The following NAA35 variants were observed in gnomAD, a reference collection of about 807,000 sequenced individuals.
NAA35 encodes the protein N-alpha-acetyltransferase 35, NatC auxiliary subunit, also known as MAK10 homolog, amino-acid N-acetyltransferase subunit.
In NAA35, 18 loss-of-function variants were observed where a neutral mutation model predicts 101.7. The ratio of observed to expected loss-of-function variants is 0.18; its 90% CI spans 0.12 to 0.26. The LOEUF (loss-of-function observed/expected upper bound fraction) is 0.26, where lower values mean the gene tolerates loss of function less well. Among genes scored for constraint, NAA35 ranks in the 10% least tolerant of loss-of-function variants. The pLI is 1.00. For missense variants in NAA35, 601 were observed against 886.8 expected, an observed-to-expected ratio of 0.68 and a Z score of 4.09; for synonymous variants, 267 against 273.1, an observed-to-expected ratio of 0.98 and a Z score of 0.22.
intron 17 of NAA35, among the ~76,000 whole-genome samples, chr9:86,014,673 A>G (rs747903984): frequency 3.3e-5 from 5 of 152,182 alleles, no homozygotes; most frequent in Admixed American, 2.0e-4. Context: ...CTCTGAAGTC[A>G]CTGCTGTGGG....
At chr9:85,969,372 C>G (rs931009040) in intron 6 of NAA35, among the ~76,000 whole-genome samples, 2 of 151,594 alleles carry the variant, frequency 1.3e-5, no homozygotes, top group Non-Finnish European at 2.9e-5. Context: ...CAAAATGTGC[C>G]CTATATTCTG....
At chr9:85,974,785 G>A (rs1830141203) in intron 6 of NAA35, among the ~76,000 whole-genome samples, 182 bp from the exon 7 acceptor site, 1 of 152,146 alleles carries the variant, frequency 6.6e-6, no homozygotes. Context: ...TGTTTTAAGT[G>A]TATGCCTTCA....
At chr9:85,971,435 C>CT (rs1829994421) in intron 6 of NAA35, among the ~76,000 whole-genome samples, 1 of 152,136 alleles carries the variant, frequency 6.6e-6, no homozygotes, top group African/African-American at 2.4e-5. Flanking sequence ...GCTTACGTCT[C>CT]TAATTGCTAG....
In NAA35 at chr9:86,013,903, A is replaced by G; in HGVS notation, c.1568+6A>G. On this transcript the variant is annotated splice_donor_region_variant and intron_variant, in intron 17 of 22. Coordinates refer to ENST00000361671, the MANE Select transcript of NAA35 (RefSeq NM_024635.4). ...GAGTACTATTACATATATTGGTAAG[A>G]GCACAGTTTGAGTTAAAATTGGTGG... The G allele has an allele frequency of 6.4e-7, 1 of 1,570,306 alleles. No homozygotes were observed. Among genetic ancestry groups the G allele is most frequent in the African/African-American group, 1.3e-5 (1 of 74,434 alleles).
chr9:85,972,808 T>G (rs1290589332), intron 6 of NAA35, among the ~76,000 whole-genome samples: 1 of 152,194 alleles, frequency 6.6e-6, no homozygotes, highest in Non-Finnish European at 1.5e-5. Flanking sequence ...AACACATATT[T>G]ATTGAATAGA....
chr9:86,007,305 T>G, intron 13 of NAA35, 53 bp from the exon 14 acceptor site: 1 of 1,282,798 alleles, frequency 7.8e-7, no homozygotes, highest in Non-Finnish European at 1.1e-6. Flanking sequence ...GATTTTACAC[T>G]AATGACAATT....
intron 17 of NAA35, among the ~76,000 whole-genome samples, chr9:86,016,332 T>C (rs1264975676): frequency 6.6e-6 from 1 of 152,210 alleles, no homozygotes; most frequent in East Asian, 1.9e-4. Flanking sequence ...TGTATAATTA[T>C]CAAGAAATCT....
rs774496606 is a variant in NAA35, at chr9:86,016,527, G to T, written c.1569-12G>T. The T allele has an allele frequency of 1.9e-6, 3 of 1,607,384 alleles. No individual in the cohort carries two copies. Among genetic ancestry groups the T allele is most frequent in the Non-Finnish European group, 2.5e-6 (3 of 1,177,476 alleles). ...GACATCTACCATTAACTAACATTTT[G>T]TATCCTTTAAGGTATCTCTCTGAAT... On this transcript the variant is annotated splice_polypyrimidine_tract_variant and intron_variant, in intron 17 of 22. Transcript: ENST00000361671.
At chr9:85,946,154 T>TA (rs1828753807) in intron 2 of NAA35, among the ~76,000 whole-genome samples, 1 of 152,110 alleles carries the variant, frequency 6.6e-6, no homozygotes, top group Non-Finnish European at 1.5e-5. Flanking sequence ...TTTTTCTTTT[T>TA]AGAGTTAGGG....
intron 14 of NAA35, among the ~76,000 whole-genome samples, chr9:86,009,029 C>T (rs1831776956): frequency 1.3e-5 from 2 of 152,122 alleles, no homozygotes; most frequent in Non-Finnish European, 2.9e-5. Flanking sequence ...TTACCTATGC[C>T]TCATGACAGT....
intron 6 of NAA35, among the ~76,000 whole-genome samples, chr9:85,970,205 T>A (rs1210286155): frequency 6.6e-6 from 1 of 152,224 alleles, no homozygotes; most frequent in Non-Finnish European, 1.5e-5. Context: ...TTCGATTTAG[T>A]GTTCTAGTGG....
intron 11 of NAA35, among the ~76,000 whole-genome samples, chr9:85,982,513 C>T (rs1830477475): frequency 6.6e-6 from 1 of 152,158 alleles, no homozygotes; most frequent in Non-Finnish European, 1.5e-5. Flanking sequence ...GTTTCTCTTT[C>T]CATGTTCACT....
chr9:85,964,128 CT>C (rs61142742), intron 6 of NAA35, among the ~76,000 whole-genome samples: 1,545 of 123,912 alleles, frequency 0.012, 10 homozygotes, highest in South Asian at 0.054. Flanking sequence ...ACTTCTTAGT[CT>C]TTTTTTTTTT....
intron 11 of NAA35, chr9:85,987,115 A>T (rs1830682657): frequency 6.6e-6 from 1 of 152,248 alleles, no homozygotes; most frequent in South Asian, 2.1e-4. Flanking sequence ...CCAAAAAAGA[A>T]ATACAAGAGA....
At chr9:85,957,892 C>T (rs200262294) in intron 3 of NAA35, among the ~76,000 whole-genome samples, 12 of 151,578 alleles carry the variant, frequency 7.9e-5, no homozygotes, top group Admixed American at 2.6e-4. Flanking sequence ...GGTCCTACCC[C>T]GAGAATTCTT....
chr9:85,977,929 T>G (rs534491900), intron 10 of NAA35, among the ~76,000 whole-genome samples: 2 of 152,150 alleles, frequency 1.3e-5, no homozygotes, highest in South Asian at 4.2e-4. Flanking sequence ...ATTCTATTTC[T>G]TCCCATTTTT....
Position 86,003,600 on chromosome 9 carries a change from T to G in NAA35, c.1072T>G (p.Phe358Val), listed in dbSNP as rs1374236376. The G allele has an allele frequency of 6.3e-7, 1 of 1,596,578 alleles. No individual in the cohort carries two copies. The highest frequency in any genetic ancestry group is 1.1e-5 in the South Asian group (1 of 88,650). ...LHCILDFFCE[F>V]SEQSPCVLSR... ...TATCTGTTAGGATTTTTTCTGTGAATTTAGTGAACAGTCACCATGTGTTCT... is the reference window on the plus strand; with the variant it reads ...TATCTGTTAGGATTTTTTCTGTGAAGTTAGTGAACAGTCACCATGTGTTCT... Residue 358 changes from phenylalanine to valine, a missense_variant, in exon 13 of 23, where the codon TTT becomes GTT. Transcript: ENST00000361671.
chr9:85,956,571 T>A (rs1460809721), intron 3 of NAA35, among the ~76,000 whole-genome samples, 178 bp downstream of exon 3: 1 of 152,106 alleles, frequency 6.6e-6, no homozygotes, highest in African/African-American at 2.4e-5. Flanking sequence ...CTGACCCTAG[T>A]TGTGATGTGA....
At chr9:86,002,430 G>A (rs947395903) in intron 12 of NAA35, among the ~76,000 whole-genome samples, 2 of 152,100 alleles carry the variant, frequency 1.3e-5, no homozygotes, top group East Asian at 1.9e-4. Flanking sequence ...AAGTTTTCAC[G>A]AACAATACCC....
Sources: allele counts gnomAD v4.1 joint callset (sites outside exome capture counted in the v4.1 genomes callset), GRCh38; gene constraint gnomAD v4.1.1; transcripts MANE v1.5; gene names NCBI Gene and HGNC (gene_info 2026-07-23, HGNC 2026-07-21).